The following CDK17 variants were observed in gnomAD, a reference collection of about 807,000 sequenced individuals.
CDK17 encodes the protein cyclin dependent kinase 17.
A neutral mutation model predicts 77.6 loss-of-function variants in CDK17; 24 were observed. The observed-to-expected ratio is 0.31, with a 90% CI of 0.22 to 0.44. CDK17 has a LOEUF of 0.44. CDK17 is among the 20% of genes least tolerant of loss of function. CDK17 has a pLI of 1.00. For synonymous variants in CDK17, 203 were observed against 210.4 expected (o/e 0.96, Z 0.30); for missense variants, 429 against 622.5 (o/e 0.69, Z 3.31).
chr12:96,289,805 A>C (rs967171560), intron 10 of CDK17, among the ~76,000 whole-genome samples: 12 of 152,192 alleles, frequency 7.9e-5, no homozygotes, highest in Admixed American at 7.2e-4. Context: ...ACTTAGAGAC[A>C]ATTTCCTTGG....
At chr12:96,377,123 A>C (rs1953792419) in intron 1 of CDK17, among the ~76,000 whole-genome samples, 1 of 152,220 alleles carries the variant, frequency 6.6e-6, no homozygotes, top group South Asian at 2.1e-4. Context: ...TAAGCATTTA[A>C]AATGCCTCAA....
chr12:96,361,953 ATCT>A (rs1365197071), intron 1 of CDK17, among the ~76,000 whole-genome samples: 4 of 152,200 alleles, frequency 2.6e-5, no homozygotes, highest in East Asian at 1.9e-4. Context: ...TTTAGACCAA[ATCT>A]TCTTCTAGTA....
chr12:96,389,144 T>A (rs1954023965), intron 1 of CDK17, among the ~76,000 whole-genome samples: 1 of 151,878 alleles, frequency 6.6e-6, no homozygotes, highest in Non-Finnish European at 1.5e-5. Context: ...TTTTTTTTTT[T>A]TTAATTTTTT....
At position 96,282,557 on chromosome 12, in the gene CDK17, G is replaced by A; in HGVS notation, c.1408C>T (p.His470Tyr). The A allele has an allele frequency of 6.2e-7, 1 of 1,612,898 alleles. No individual in the cohort carries two copies. The highest frequency in any genetic ancestry group is 8.5e-7 in the Non-Finnish European group (1 of 1,178,924). Reference sequence around the variant, plus strand: ...GGTCCCAGACTTCGAAAGTACACATGTTTCATGGCCTCTTCAGCTGAAACC... The same window carrying A: ...GGTCCCAGACTTCGAAAGTACACATATTTCATGGCCTCTTCAGCTGAAACC... Reference protein sequence around the residue: ...KRVSAEEAMKHVYFRSLGPRI... With the variant: ...KRVSAEEAMKYVYFRSLGPRI... The change falls in exon 15 of 17, where the codon CAT (histidine) becomes TAT (tyrosine). Residue 470 changes from histidine (H) to tyrosine (Y), a missense_variant. By Grantham distance (83) the His-to-Tyr change is moderately conservative (BLOSUM62 2). Transcript: ENST00000261211.
chr12:96,308,029 A>T (rs1952598553), intron 5 of CDK17, among the ~76,000 whole-genome samples: 2 of 152,134 alleles, frequency 1.3e-5, no homozygotes, highest in Non-Finnish European at 2.9e-5. Flanking sequence ...TATACAGCAT[A>T]AAGTGATTTT....
intron 5 of CDK17, among the ~76,000 whole-genome samples, chr12:96,308,222 C>T (rs1952600452): frequency 8.0e-6 from 1 of 124,486 alleles, no homozygotes; most frequent in Non-Finnish European, 1.7e-5. Context: ...CAGTGAGATG[C>T]CATCTCTAAA....
intron 1 of CDK17, among the ~76,000 whole-genome samples, chr12:96,386,590 G>A (rs990850800): frequency 1.6e-4 from 25 of 152,016 alleles, no homozygotes; most frequent in Admixed American, 5.2e-4. Flanking sequence ...TCCATGAGGC[G>A]GAGGTTGCAG....
rs370908887 is a variant in CDK17, at chr12:96,341,232, T to A, written c.-29-6367A>T. On this transcript the variant is annotated intron_variant, in intron 1 of 16. Coordinates refer to ENST00000261211, the MANE Select transcript of CDK17 (RefSeq NM_002595.5). ...TGGTAAATGACTAAATATTCACATT[T>A]CAGTGTAAATGTCATTCTTCAGAGG... 2.8e-4 allele frequency among the ~76,000 whole-genome samples: 43 copies of A among 152,236 alleles called. 1 individual carries two copies. In the South Asian group the frequency reaches 8.7e-3, roughly 31 times the overall value.
Position 96,280,046 on chromosome 12 carries a change from T to C in CDK17, c.*196A>G. ...TGGCAGAGAAGACCTTAAAACCGACTGTACAAAAAATTGTCACACTGTGAC... is the reference window on the plus strand; with the variant it reads ...TGGCAGAGAAGACCTTAAAACCGACCGTACAAAAAATTGTCACACTGTGAC... On this transcript the variant is annotated 3_prime_UTR_variant, in exon 17 of 17. Coordinates refer to ENST00000261211, the MANE Select transcript of CDK17 (RefSeq NM_002595.5). 1 of 517,100 alleles carries C rather than the reference T, an allele frequency of 1.9e-6. No homozygotes were observed. Among genetic ancestry groups the C allele is most frequent in the Non-Finnish European group, 3.3e-6 (1 of 301,954 alleles). 32.0% of individuals were successfully genotyped at this position (517,100 alleles called of 1,614,324 possible).
intron 4 of CDK17, 32 bp from the exon 5 acceptor site, chr12:96,311,209 T>C (rs935975513): frequency 1.7e-5 from 25 of 1,504,182 alleles, no homozygotes; most frequent in Middle Eastern, 1.8e-4. Flanking sequence ...TCCAAAATAG[T>C]AAAGGCAAGG....
chr12:96,358,767 G>GTGA (rs1953447209), intron 1 of CDK17, among the ~76,000 whole-genome samples: 1 of 152,184 alleles, frequency 6.6e-6, no homozygotes, highest in Non-Finnish European at 1.5e-5. Flanking sequence ...GAAGGCTGCA[G>GTGA]TGAGCTGAGA....
intron 3 of CDK17, among the ~76,000 whole-genome samples, chr12:96,315,531 T>C (rs1317830051): frequency 6.6e-6 from 1 of 152,188 alleles, no homozygotes; most frequent in Non-Finnish European, 1.5e-5. Flanking sequence ...ATATAACACA[T>C]CTAAGGTCCT....
chr12:96,357,204 A>G (rs992467777), intron 1 of CDK17, among the ~76,000 whole-genome samples: 1 of 152,204 alleles, frequency 6.6e-6, no homozygotes, highest in Admixed American at 6.5e-5. Flanking sequence ...GCTCATGGCT[A>G]TAATTCCAGC....
chr12:96,392,106 G>A (rs1192937036), intron 1 of CDK17, among the ~76,000 whole-genome samples: 1 of 152,216 alleles, frequency 6.6e-6, no homozygotes, highest in East Asian at 1.9e-4. Flanking sequence ...GGAGAGACCT[G>A]AAAATAATTA....
intron 5 of CDK17, 54 bp downstream of exon 5, chr12:96,310,998 C>A: frequency 1.3e-6 from 2 of 1,527,922 alleles, no homozygotes; most frequent in South Asian, 1.3e-5. Context: ...CACCCAGAAG[C>A]AGCAAACAAG....
chr12:96,318,723 C>A (rs1199610044), intron 3 of CDK17, among the ~76,000 whole-genome samples: 2 of 146,732 alleles, frequency 1.4e-5, no homozygotes, highest in Admixed American at 1.4e-4. Context: ...GAAATGAAGG[C>A]AGAAATAAAG....
chr12:96,283,451 T>G (rs78464803), intron 14 of CDK17, 152 bp downstream of exon 14: 2 of 488,460 alleles, frequency 4.1e-6, no homozygotes, highest in African/African-American at 2.1e-5. Context: ...AACCATGTTT[T>G]TTTTTTTTTT....
At chr12:96,289,759 T>C (rs1952296870) in intron 10 of CDK17, among the ~76,000 whole-genome samples, 1 of 152,248 alleles carries the variant, frequency 6.6e-6, no homozygotes. Flanking sequence ...GTAAAGTTAT[T>C]GGTCCATAAT....
intron 10 of CDK17, among the ~76,000 whole-genome samples, chr12:96,294,584 CAAAAAAAAAAAAAAAA>C (rs11313631): frequency 3.7e-5 from 2 of 54,346 alleles, no homozygotes; most frequent in Admixed American, 2.8e-4. Flanking sequence ...ATGCTGTCTT[CAAAAAAAAAAAAAAAA>C]AAAAAAAAAA....
Sources: allele counts gnomAD v4.1 joint callset (sites outside exome capture counted in the v4.1 genomes callset), GRCh38; gene constraint gnomAD v4.1.1; transcripts MANE v1.5; gene names NCBI Gene and HGNC (gene_info 2026-07-23, HGNC 2026-07-21).